GPR137C: variants seen among roughly 807,000 people sequenced by gnomAD.
The protein encoded by GPR137C is integral membrane protein GPR137C.
Under a neutral mutation model 43.4 loss-of-function variants are expected in GPR137C, and 27 were observed. The observed-to-expected ratio is 0.62, with a 90% CI of 0.46 to 0.86. The LOEUF is 0.86. Ranked by LOEUF, GPR137C falls within the 40% of genes least tolerant of loss-of-function variation. GPR137C has a pLI of 0.00. For missense variants in GPR137C, 522 were observed against 534.6 expected, an observed-to-expected ratio of 0.98 and a Z score of 0.23; for synonymous variants, 285 against 226.9, an observed-to-expected ratio of 1.26 and a Z score of -2.30.
chr14:52,591,004 C>T (rs928114619), intron 1 of GPR137C, among the ~76,000 whole-genome samples: 1 of 147,674 alleles, frequency 6.8e-6, no homozygotes, highest in African/African-American at 2.5e-5. Context: ...CTTATAGGCC[C>T]CAGTGTGTGA....
At chr14:52,579,765 G>A (rs938703037) in intron 1 of GPR137C, among the ~76,000 whole-genome samples, 1 of 152,184 alleles carries the variant, frequency 6.6e-6, no homozygotes, top group African/African-American at 2.4e-5. Context: ...CAGCAATGAG[G>A]TGTAACAACA....
chr14:52,611,344 T>C (rs1244814209), intron 3 of GPR137C: 3 of 152,198 alleles, frequency 2.0e-5, no homozygotes, highest in Non-Finnish European at 4.4e-5. Context: ...TTTTTAAGAA[T>C]GATAGCCTTC....
intron 3 of GPR137C, among the ~76,000 whole-genome samples, chr14:52,615,733 G>T (rs1396143242): frequency 1.3e-5 from 2 of 152,136 alleles, no homozygotes; most frequent in Non-Finnish European, 2.9e-5. Flanking sequence ...TATTATAAAT[G>T]AGATTACTGG....
chr14:52,582,991 G>A (rs1344056319), intron 1 of GPR137C, among the ~76,000 whole-genome samples: 2 of 151,960 alleles, frequency 1.3e-5, no homozygotes, highest in Non-Finnish European at 1.5e-5. Context: ...AGTAGATTAT[G>A]TGATATAAAA....
At position 52,598,277 on chromosome 14, in the gene GPR137C, A is replaced by T. The variant is rs1179978371; in HGVS notation, c.450A>T (p.Ile150=). 7.4e-7 allele frequency: 1 copy of T among 1,357,954 alleles called. No homozygotes were observed. The highest frequency in any genetic ancestry group is 1.0e-6 in the Non-Finnish European group (1 of 992,124). The allele number at this position is 1,357,954 out of a possible 1,614,324, so 84.1% of individuals were successfully genotyped here. ...TTTTTATATTCTCTTTATAGGTTAT[A>T]TGTAAAGTCAGATGTGCCACTGAAC... is the stretch of plus-strand genomic sequence containing the variant. ...CLLNLYLAEV[I]CKVRCATELD... is the part of the protein sequence containing the mutation. Residue 150 remains isoleucine (I), a synonymous_variant, in exon 2 of 7, where the codon ATA becomes ATT. Coordinates refer to ENST00000321662, the MANE Select transcript of GPR137C (RefSeq NM_001099652.2).
intron 3 of GPR137C, among the ~76,000 whole-genome samples, chr14:52,611,208 A>G (rs1386721667): frequency 1.3e-5 from 2 of 152,008 alleles, no homozygotes; most frequent in African/African-American, 4.8e-5. Flanking sequence ...TTTATAATTC[A>G]TGTAGATAAT....
chr14:52,606,311 T>C (rs1296669047), intron 3 of GPR137C, among the ~76,000 whole-genome samples: 1 of 152,218 alleles, frequency 6.6e-6, no homozygotes, highest in Non-Finnish European at 1.5e-5. Context: ...CCAGGTTTTC[T>C]AATTTGTTGG....
intron 3 of GPR137C, among the ~76,000 whole-genome samples, chr14:52,630,100 T>C (rs889196339): frequency 6.6e-5 from 10 of 152,154 alleles, no homozygotes; most frequent in African/African-American, 2.4e-4. Flanking sequence ...TTTGTGGGGG[T>C]GAATCTTTTG....
intron 3 of GPR137C, among the ~76,000 whole-genome samples, chr14:52,604,727 C>T (rs2038965212): frequency 6.6e-6 from 1 of 152,156 alleles, no homozygotes. Context: ...GGATTACAGG[C>T]ATGAGCCATC....
chr14:52,555,406 T>C (rs1230467891), intron 1 of GPR137C, among the ~76,000 whole-genome samples: 1 of 152,148 alleles, frequency 6.6e-6, no homozygotes, highest in Non-Finnish European at 1.5e-5. Flanking sequence ...GATTAAGATA[T>C]AAAGCATTTT....
At chr14:52,626,794 A>C (rs79609743) in intron 3 of GPR137C, among the ~76,000 whole-genome samples, 2,886 of 152,272 alleles carry the variant, frequency 0.019, 78 homozygotes, top group African/African-American at 0.053. Flanking sequence ...AATACAAACA[A>C]ATTGTATTTT....
chr14:52,553,043 C>A lies in GPR137C; in HGVS notation c.-105C>A. ...TCACGGCGCTTCCTGGGGTTAGAGG[C>A]TGGGGTGGGTGGGGGGTAAGGGGGC... is the stretch of plus-strand genomic sequence containing the variant. On this transcript the variant is annotated 5_prime_UTR_variant, in exon 1 of 7. The change creates a new upstream start codon in the 5' untranslated region. Coordinates refer to ENST00000321662, the MANE Select transcript of GPR137C (RefSeq NM_001099652.2). 1 of 384,992 alleles carries A rather than the reference C, an allele frequency of 2.6e-6. No individual in the cohort carries two copies. The highest frequency in any genetic ancestry group is 3.2e-6 in the Non-Finnish European group (1 of 315,986). The allele number at this position is 384,992 out of a possible 1,614,324, so 23.8% of individuals were successfully genotyped here. A position where few individuals can be genotyped will look rare whatever the true frequency, so the allele number is the denominator to read the frequency against.
chr14:52,631,838 C>A (rs1258839061), intron 3 of GPR137C, among the ~76,000 whole-genome samples: 2 of 151,950 alleles, frequency 1.3e-5, no homozygotes, highest in African/African-American at 4.8e-5. Flanking sequence ...GACTAAACTA[C>A]CTCTTTGATT....
intron 1 of GPR137C, among the ~76,000 whole-genome samples, chr14:52,583,306 G>C (rs902293512): frequency 6.6e-6 from 1 of 152,070 alleles, no homozygotes; most frequent in South Asian, 2.1e-4. Flanking sequence ...ATCATGTCCT[G>C]TTAGCTATAT....
chr14:52,575,265 T>C (rs1355030078), intron 1 of GPR137C, among the ~76,000 whole-genome samples: 3 of 152,192 alleles, frequency 2.0e-5, no homozygotes, highest in African/African-American at 7.2e-5. Flanking sequence ...CATGGTAGCA[T>C]GCACCTGTAG....
At position 52,636,518 on chromosome 14, in the gene GPR137C, T is replaced by TA. The variant is rs2039354622; in HGVS notation, c.*1404dup. 1.3e-5 allele frequency: 2 copies of TA among 152,252 alleles called. No homozygotes were observed. Among genetic ancestry groups the TA allele is most frequent in the Admixed American group, 1.3e-4 (2 of 15,278 alleles). 9.4% of individuals were successfully genotyped at this position (152,252 alleles called of 1,614,324 possible). A position where few individuals can be genotyped will look rare whatever the true frequency, so the allele number is the denominator to read the frequency against. On this transcript the variant is annotated 3_prime_UTR_variant, in exon 7 of 7. Transcript: ENST00000321662. ...GCTATTTCTTCAGAACTGGAACTAA[T>TA]ACGACTATCCTTTTCTGTTTTATAC...
rs2039350296 is a variant in GPR137C at position 52,636,117 on chromosome 14, G to C, written c.*1002G>C. On this transcript the variant is annotated 3_prime_UTR_variant, in exon 7 of 7. Transcript: ENST00000321662. ...TGAACTCAAGTGCAATACTTTGTAAGACATATAATTCCTATGATTTTCACA... is the reference window on the plus strand; with the variant it reads ...TGAACTCAAGTGCAATACTTTGTAACACATATAATTCCTATGATTTTCACA... The C allele has an allele frequency of 6.6e-6, 1 of 151,998 alleles. No homozygotes were observed. Among genetic ancestry groups the C allele is most frequent in the Non-Finnish European group, 1.5e-5 (1 of 67,962 alleles). 9.4% of individuals were successfully genotyped at this position (151,998 alleles called of 1,614,324 possible). A position where few individuals can be genotyped will look rare whatever the true frequency, so the allele number is the denominator to read the frequency against.
chr14:52,586,928 C>T (rs2038720796), intron 1 of GPR137C, among the ~76,000 whole-genome samples: 1 of 152,124 alleles, frequency 6.6e-6, no homozygotes, highest in Non-Finnish European at 1.5e-5. Flanking sequence ...TTCTTTGCCC[C>T]ACCGTAATGC....
chr14:52,601,150 A>G (rs1294855752), intron 3 of GPR137C, among the ~76,000 whole-genome samples: 1 of 152,148 alleles, frequency 6.6e-6, no homozygotes, highest in Non-Finnish European at 1.5e-5. Flanking sequence ...TATGTGTGGC[A>G]TTGGGTGTGA....
Sources: allele counts gnomAD v4.1 joint callset (sites outside exome capture counted in the v4.1 genomes callset), GRCh38; gene constraint gnomAD v4.1.1; transcripts MANE v1.5; gene names NCBI Gene and HGNC (gene_info 2026-07-23, HGNC 2026-07-21).